The following CLN8 variants were observed in gnomAD, a reference collection of about 807,000 sequenced individuals.
CLN8 encodes CLN8 transmembrane ER and ERGIC protein.
CLN8 carries 14 observed loss-of-function variants against 15.7 expected under a neutral mutation model. The observed-to-expected ratio is 0.89, with a 90% CI of 0.59 to 1.39. CLN8 has a LOEUF of 1.39. Among genes scored for constraint, CLN8 ranks in the 40% most tolerant of loss-of-function variants. CLN8 has a pLI of 0.00. For synonymous variants in CLN8, 188 were observed against 151.0 expected (o/e 1.25, Z -1.80); for missense variants, 415 against 364.0 (o/e 1.14, Z -1.14).
In CLN8 at chr8:1,766,046, C is replaced by T. The variant is rs554792034; in HGVS notation, c.-124+2161C>T. Among the ~76,000 whole-genome samples the T allele has an allele frequency of 1.2e-3, 176 of 152,246 alleles. 2 individuals carry two copies. Among genetic ancestry groups the T allele is most frequent in the Non-Finnish European group, 2.0e-3 (134 of 68,028 alleles). Reference sequence around the variant, plus strand: ...GGAGCGCATAGATGCATGACAGAGTCGAAGGGTTCCAGTGGCCACTGAGCC... The same window carrying T: ...GGAGCGCATAGATGCATGACAGAGTTGAAGGGTTCCAGTGGCCACTGAGCC... On this transcript the variant is annotated intron_variant, in intron 1 of 2. Transcript: ENST00000331222.
At chr8:1,776,543 A>G (rs1189980414) in intron 2 of CLN8, among the ~76,000 whole-genome samples, 1 of 152,232 alleles carries the variant, frequency 6.6e-6, no homozygotes, top group Admixed American at 6.5e-5. Context: ...TGATGACAGA[A>G]GGTTCTGGAA....
In CLN8 at chr8:1,771,291, C is replaced by T. The variant is rs1362205695; in HGVS notation, c.237C>T (p.Ala79=). The T allele has an allele frequency of 1.9e-6, 3 of 1,614,134 alleles. No individual in the cohort carries two copies. Among genetic ancestry groups the T allele is most frequent in the Non-Finnish European group, 2.5e-6 (3 of 1,180,022 alleles). The change falls in exon 2 of 3, where the codon GCC becomes GCT. Residue 79 remains alanine (A), a synonymous_variant. Coordinates refer to ENST00000331222, the MANE Select transcript of CLN8 (RefSeq NM_018941.4). ...TRAVFGVQST[A]AGLWALLGDP... ...CAGTCTTTGGTGTTCAGAGCACAGC[C>T]GCAGGCCTGTGGGCTCTGCTGGGGG...
chr8:1,760,820 G>C (rs1268293565), upstream of CLN8, among the ~76,000 whole-genome samples: 2 of 152,118 alleles, frequency 1.3e-5, no homozygotes, highest in East Asian at 1.9e-4. Context: ...ATACAGAGTG[G>C]GGAGCCCGCG....
chr8:1,756,182 A>C (rs757311434), intron 1 of CLN8: 1 of 152,226 alleles, frequency 6.6e-6, no homozygotes, highest in Non-Finnish European at 1.5e-5. Context: ...TTTTAAATAC[A>C]CAAAATTTCA....
intron 1 of CLN8, among the ~76,000 whole-genome samples, chr8:1,768,297 A>G (rs1801148837): frequency 6.6e-6 from 1 of 152,120 alleles, no homozygotes; most frequent in South Asian, 2.1e-4. Flanking sequence ...GAGCCCACTA[A>G]GCCAGCCGCT....
intron 2 of CLN8, 136 bp from the exon 3 acceptor site, chr8:1,780,114 C>T (rs1247157602): frequency 6.5e-7 from 1 of 1,527,560 alleles, no homozygotes; most frequent in Non-Finnish European, 8.8e-7. Context: ...GAGCAGAGCC[C>T]TGGGGAGGAA....
chr8:1,761,852 A>T (rs1419694908), upstream of CLN8: 1 of 152,226 alleles, frequency 6.6e-6, no homozygotes, highest in Admixed American at 6.5e-5. Flanking sequence ...CACTGTTGTT[A>T]GGTTTTTCAA....
chr8:1,779,985 G>C (rs556408178), intron 2 of CLN8: 1 of 985,456 alleles, frequency 1.0e-6, no homozygotes, highest in Non-Finnish European at 1.2e-6. Context: ...TAGCTTTAGG[G>C]AGCAGAAGCC....
At chr8:1,756,381 G>C (rs1219357491) in intron 1 of CLN8, among the ~76,000 whole-genome samples, 1 of 151,920 alleles carries the variant, frequency 6.6e-6, no homozygotes, top group Admixed American at 6.6e-5. Flanking sequence ...CTACTCAGGA[G>C]GCTGAGGCAG....
rs201956727 is a variant in CLN8 at position 1,780,482 on chromosome 8, A to T, written c.776A>T (p.Asn259Ile). 1.2e-6 allele frequency: 2 copies of T among 1,614,198 alleles called. No homozygotes were observed. Among genetic ancestry groups the T allele is most frequent in the South Asian group, 2.2e-5 (2 of 91,088 alleles). Residue 259 changes from asparagine to isoleucine, a missense_variant, in exon 3 of 3, where the codon AAT becomes ATT. By Grantham distance (149) the Asn-to-Ile change is moderately radical (BLOSUM62 -3). Transcript: ENST00000331222. The part of the protein sequence containing the change: ...WTHKKTQQLL[N>I]PVDWNFAQPE... ...CATAAGAAGACTCAGCAGCTTCTCA[A>T]TCCGGTGGACTGGAACTTCGCACAG...
chr8:1,755,544 G>A (rs1563095801), upstream of CLN8, among the ~76,000 whole-genome samples: 1 of 152,114 alleles, frequency 6.6e-6, no homozygotes, highest in Non-Finnish European at 1.5e-5. Flanking sequence ...CATGTTCTCT[G>A]AACACCGTGT....
chr8:1,786,076 G>C lies in CLN8; in HGVS notation c.*5509G>C, dbSNP rs1033021385. On this transcript the variant is annotated 3_prime_UTR_variant, in exon 3 of 3. Transcript: ENST00000331222. ...GTCAGAATATGCCCAGCCTGCGGGG[G>C]CTCTCTATCGGGGTCTTCGAGAGCC... 1 of 152,892 alleles carries C rather than the reference G, an allele frequency of 6.5e-6. No individual in the cohort carries two copies. The highest frequency in any genetic ancestry group is 1.5e-5 in the Non-Finnish European group (1 of 68,644). 9.5% of individuals were successfully genotyped at this position (152,892 alleles called of 1,614,324 possible).
At chr8:1,762,013 C>A (rs866500116), upstream of CLN8, 4 of 152,074 alleles carry the variant, frequency 2.6e-5, no homozygotes, top group African/African-American at 9.7e-5. Context: ...GGATTTGTTT[C>A]GGGAAACCAT....
chr8:1,780,590 G>A lies in CLN8; in HGVS notation c.*23G>A. The A allele has an allele frequency of 6.2e-7, 1 of 1,610,004 alleles. No individual in the cohort carries two copies. Among genetic ancestry groups the A allele is most frequent in the South Asian group, 1.1e-5 (1 of 91,016 alleles). On this transcript the variant is annotated 3_prime_UTR_variant, in exon 3 of 3. Transcript: ENST00000331222. ...TAGCTGCTCCAGCCGGGGCTCCGGG[G>A]CGGCAGCAGAGCTGGCACACCGATT...
At chr8:1,773,042 G>C in intron 2 of CLN8, 2 of 398,224 alleles carry the variant, frequency 5.0e-6, no homozygotes, top group South Asian at 1.3e-4. Flanking sequence ...AGTACAGACT[G>C]TTCATGCATA....
chr8:1,767,565 C>CTTTTTTTT (rs1156569423), intron 1 of CLN8, among the ~76,000 whole-genome samples: 59 of 81,318 alleles, frequency 7.3e-4, no homozygotes, highest in African/African-American at 1.4e-3. Flanking sequence ...ATGTTTCTTT[C>CTTTTTTTT]TTTTTTTTTT....
intron 1 of CLN8, among the ~76,000 whole-genome samples, chr8:1,766,060 G>A (rs1384480507): frequency 1.3e-5 from 2 of 152,250 alleles, no homozygotes; most frequent in East Asian, 1.9e-4. Flanking sequence ...GGGTTCCAGT[G>A]GCCACTGAGC....
Position 1,771,152 on chromosome 8 carries a change from T to G in CLN8, c.98T>G (p.Val33Gly), listed in dbSNP as rs1301388199. 1 of 1,613,938 alleles carries G rather than the reference T, an allele frequency of 6.2e-7. No homozygotes were observed. The highest frequency in any genetic ancestry group is 1.7e-5 in the Admixed American group (1 of 59,990). The part of the protein sequence containing the change: ...IRSTLMVAGF[V>G]FYLGVFVVCH... ...TCCACGCTGATGGTCGCTGGCTTTGTCTTCTACTTGGGCGTCTTTGTGGTC... is the reference window on the plus strand; with the variant it reads ...TCCACGCTGATGGTCGCTGGCTTTGGCTTCTACTTGGGCGTCTTTGTGGTC... The change falls in exon 2 of 3, where the codon GTC becomes GGC. Residue 33 changes from valine (V) to glycine (G), a missense_variant. Physicochemically the swap from Val to Gly is moderately radical, Grantham distance 109. Transcript: ENST00000331222.
chr8:1,762,781 T>G (rs1209187820), upstream of CLN8: 2 of 152,254 alleles, frequency 1.3e-5, no homozygotes, highest in Non-Finnish European at 2.9e-5. Context: ...GACTATACCC[T>G]CAGCTCCATT....
Sources: gnomAD v4.1 joint callset for allele counts (sites outside exome capture counted in the v4.1 genomes callset) on GRCh38, gnomAD v4.1.1 for gene constraint, MANE v1.5 for transcripts, NCBI Gene and HGNC (gene_info 2026-07-23, HGNC 2026-07-21) for gene names.